Variants in RBSN observed in about 807,000 individuals in gnomAD.
RBSN encodes rabenosyn, RAB effector.
RBSN carries 34 observed loss-of-function variants against 60.5 expected under a neutral mutation model. That is an observed-to-expected ratio of 0.56 (90% CI 0.43 to 0.75). The LOEUF (loss-of-function observed/expected upper bound fraction) is 0.75, where lower values mean the gene tolerates loss of function less well. Among genes scored for constraint, RBSN ranks in the 30% least tolerant of loss-of-function variants. RBSN has a pLI of 0.00. For missense variants in RBSN, 845 were observed against 986.8 expected, an observed-to-expected ratio of 0.86 and a Z score of 1.92; for synonymous variants, 322 against 366.9, an observed-to-expected ratio of 0.88 and a Z score of 1.40.
Position 15,075,661 on chromosome 3 carries a change from TC to T in RBSN, c.1150del (p.Glu384AsnfsTer2). 6.2e-7 allele frequency: 1 copy of T among 1,614,184 alleles called. No individual in the cohort carries two copies. The highest frequency in any genetic ancestry group is 1.1e-5 in the South Asian group (1 of 91,078). ...MSLPTKEQFEELKKKRKEEME... is the reference protein window; with the variant it reads ...MSLPTKEQFEXLKKKRKEEME... Reference sequence around the variant, plus strand: ...TTCCTCCTTCCTTTTCTTTTTCAGTTCCTCAAACTGTTCTTTGGTTGGCAGT... The same window carrying T: ...TTCCTCCTTCCTTTTCTTTTTCAGTTCTCAAACTGTTCTTTGGTTGGCAGT... On this transcript the variant is annotated frameshift_variant, in exon 13 of 14. Coordinates refer to ENST00000253699, the MANE Select transcript of RBSN (RefSeq NM_022340.4). LOFTEE classifies it high-confidence loss of function.
At chr3:15,095,936 A>C in intron 4 of RBSN, 37 bp downstream of exon 4, 1 of 1,614,116 alleles carries the variant, frequency 6.2e-7, no homozygotes, top group Non-Finnish European at 8.5e-7. Flanking sequence ...AAAGCTCTCA[A>C]CGACAGCAGG....
intron 4 of RBSN, among the ~76,000 whole-genome samples, chr3:15,092,707 T>C (rs2043548966): frequency 6.6e-6 from 1 of 152,186 alleles, no homozygotes; most frequent in Non-Finnish European, 1.5e-5. Flanking sequence ...CCACTGTCCC[T>C]GGCCTAAAGC....
intron 5 of RBSN, among the ~76,000 whole-genome samples, chr3:15,089,844 C>T (rs202151472): frequency 4.2e-4 from 64 of 152,200 alleles, no homozygotes; most frequent in African/African-American, 1.4e-3. Flanking sequence ...GTGATCTGCC[C>T]GCCTCGGCCT....
At chr3:15,081,069 A>C (rs2043194197) in intron 9 of RBSN, 1 of 398,328 alleles carries the variant, frequency 2.5e-6, no homozygotes, top group Non-Finnish European at 4.6e-6. Flanking sequence ...GGTGGAGTAC[A>C]ATGGCGCGAT....
Position 15,082,034 on chromosome 3 carries a change from C to T in RBSN, c.840+333G>A, listed in dbSNP as rs560011031. Among the ~76,000 whole-genome samples, 8 of 152,334 alleles carry T rather than the reference C, an allele frequency of 5.3e-5. No individual in the cohort carries two copies. In the South Asian group the frequency reaches 6.2e-4, roughly 12 times the overall value. ...ATTCTTCTGGCCCACTGTTTATGAA[C>T]ATCTCTAGCTTCTGCCCTTCCCACA... On this transcript the variant is annotated intron_variant, in intron 9 of 13. Coordinates refer to ENST00000253699, the MANE Select transcript of RBSN (RefSeq NM_022340.4). The surrounding 1 kb of genome is among the most constrained non-coding windows in gnomAD (Gnocchi z 4.2).
chr3:15,095,963 C>T lies in RBSN; in HGVS notation c.148+10G>A, dbSNP rs2125188806. On this transcript the variant is annotated intron_variant, in intron 4 of 13. Transcript: ENST00000253699. Reference sequence around the variant, plus strand: ...GACAGCAGGGGATAGGCAAGGTCCTCGCCTCTTACTTTTAATTTGCCCTTT... The same window carrying T: ...GACAGCAGGGGATAGGCAAGGTCCTTGCCTCTTACTTTTAATTTGCCCTTT... 4 of 1,614,182 alleles carry T rather than the reference C, an allele frequency of 2.5e-6. No individual in the cohort carries two copies. The highest frequency in any genetic ancestry group is 1.6e-4 in the Middle Eastern group (1 of 6,062).
intron 5 of RBSN, 74 bp downstream of exon 5, chr3:15,090,325 A>G (rs2043478074): frequency 6.5e-7 from 1 of 1,541,410 alleles, no homozygotes; most frequent in Non-Finnish European, 8.8e-7. Flanking sequence ...TCCTCAGCCA[A>G]CTCTTAAAAC....
chr3:15,091,508 AAACAGAACCAG>A (rs1250090328), intron 4 of RBSN: 7 of 1,284,966 alleles, frequency 5.4e-6, no homozygotes, highest in Non-Finnish European at 6.1e-6. Flanking sequence ...AACATAACAC[AAACAGAACCAG>A]ATTGGGTAAG....
chr3:15,078,823 T>TACACAC (rs1474266390), intron 10 of RBSN, among the ~76,000 whole-genome samples: 4 of 109,242 alleles, frequency 3.7e-5, no homozygotes, highest in African/African-American at 1.3e-4. Context: ...TATATATATA[T>TACACAC]ACATGGTTTT....
In RBSN at chr3:15,080,864, C is replaced by T. The variant is rs75714164; in HGVS notation, c.841-62G>A. On this transcript the variant is annotated intron_variant, in intron 9 of 13. Transcript: ENST00000253699. ...AGATATAGAAACACCTACCCAGAAG[C>T]TAGGCTCCATCAATGGAGCTATATT... 4,249 of 1,333,394 alleles carry T rather than the reference C, an allele frequency of 3.2e-3. 4 individuals carry two copies. The highest frequency in any genetic ancestry group is 3.9e-3 in the Non-Finnish European group (3,654 of 932,318). 82.6% of individuals were successfully genotyped at this position (1,333,394 alleles called of 1,614,324 possible). A position where few individuals can be genotyped will look rare whatever the true frequency, so the allele number is the denominator to read the frequency against.
At chr3:15,089,482 A>C (rs574583654) in intron 5 of RBSN, among the ~76,000 whole-genome samples, 78 of 146,472 alleles carry the variant, frequency 5.3e-4, no homozygotes, top group Admixed American at 2.5e-3. Context: ...AAAAAACAAA[A>C]AAAAAAAACA....
intron 5 of RBSN, 107 bp downstream of exon 5, chr3:15,090,292 G>T: frequency 8.1e-7 from 1 of 1,240,920 alleles, no homozygotes; most frequent in Non-Finnish European, 1.1e-6. Flanking sequence ...GAGAAGCTTA[G>T]ACCATTATGG....
At chr3:15,088,380 TTATTA>T (rs1010958013) in intron 5 of RBSN, among the ~76,000 whole-genome samples, 4 of 144,348 alleles carry the variant, frequency 2.8e-5, no homozygotes, top group Non-Finnish European at 6.3e-5. Context: ...TATAGTATTA[TTATTA>T]TTTTTTTTTT....
At chr3:15,093,590 C>T (rs1376016763) in intron 4 of RBSN, among the ~76,000 whole-genome samples, 1 of 152,128 alleles carries the variant, frequency 6.6e-6, no homozygotes, top group African/African-American at 2.4e-5. Context: ...TAGAAATGGT[C>T]TCGCTATGTT....
In RBSN at chr3:15,075,846, G is replaced by A. The variant is rs920126059; in HGVS notation, c.1102-136C>T. ...GACATCATTTGACAGCAGCTAGAAA[G>A]GAGAGAACTCATATTGGGTGAGACA... On this transcript the variant is annotated intron_variant, in intron 12 of 13. Coordinates refer to ENST00000253699, the MANE Select transcript of RBSN (RefSeq NM_022340.4). 4.4e-6 allele frequency: 3 copies of A among 686,074 alleles called. No individual in the cohort carries two copies. The Admixed American group carries it at 7.8e-5, about 18-fold the overall frequency. 42.5% of individuals were successfully genotyped at this position (686,074 alleles called of 1,614,324 possible).
At chr3:15,090,896 G>A (rs2043494936) in intron 4 of RBSN, among the ~76,000 whole-genome samples, 1 of 152,136 alleles carries the variant, frequency 6.6e-6, no homozygotes, top group Non-Finnish European at 1.5e-5. Flanking sequence ...CTTAATTGGA[G>A]TGGTGGTGAA....
intron 10 of RBSN, among the ~76,000 whole-genome samples, chr3:15,078,627 G>A (rs2043112175): frequency 6.6e-6 from 1 of 151,382 alleles, no homozygotes; most frequent in South Asian, 2.1e-4. Flanking sequence ...CAGGCATCGT[G>A]GTGGGTGCCT....
At chr3:15,089,353 G>C (rs9855199) in intron 5 of RBSN, among the ~76,000 whole-genome samples, 7,887 of 141,376 alleles carry the variant, frequency 0.056, 252 homozygotes, top group East Asian at 0.13. Flanking sequence ...AGTAGTCTTA[G>C]CTACTGAGGA....
chr3:15,078,823 T>C (rs1428422463), intron 10 of RBSN, among the ~76,000 whole-genome samples: 49 of 109,236 alleles, frequency 4.5e-4, no homozygotes, highest in African/African-American at 6.7e-4. Flanking sequence ...TATATATATA[T>C]ACATGGTTTT....
Sources: gnomAD v4.1 joint callset for allele counts (sites outside exome capture counted in the v4.1 genomes callset) on GRCh38, gnomAD v4.1.1 for gene constraint, Gnocchi (gnomAD v3.1) non-coding constraint, MANE v1.5 for transcripts, NCBI Gene and HGNC (gene_info 2026-07-23, HGNC 2026-07-21) for gene names.